NLGN1: variants seen among roughly 807,000 people sequenced by gnomAD.
NLGN1 encodes neuroligin 1, also known as neuroligin-1.
In NLGN1, 12 loss-of-function variants were observed where a neutral mutation model predicts 65.5. The observed-to-expected ratio is 0.18, with a 90% CI of 0.12 to 0.30. The LOEUF (loss-of-function observed/expected upper bound fraction) is 0.30. NLGN1 is among the 10% of genes least tolerant of loss of function. The pLI is 1.00. For missense variants in NLGN1, 750 were observed against 1,007.1 expected, an observed-to-expected ratio of 0.74 and a Z score of 3.46; for synonymous variants, 350 against 359.5, an observed-to-expected ratio of 0.97 and a Z score of 0.30.
At chr3:173,793,819 G>T (rs796419380) in intron 3 of NLGN1, among the ~76,000 whole-genome samples, 2 of 152,096 alleles carry the variant, frequency 1.3e-5, no homozygotes, top group African/African-American at 4.8e-5. Context: ...GAATGATTTT[G>T]CCTCTTTTTG....
intron 3 of NLGN1, among the ~76,000 whole-genome samples, chr3:173,790,509 G>A (rs879730782): frequency 2.6e-5 from 4 of 152,004 alleles, no homozygotes; most frequent in Non-Finnish European, 2.9e-5. Flanking sequence ...GAATTGTTAC[G>A]AAAATTTTAT....
intron 4 of NLGN1, among the ~76,000 whole-genome samples, chr3:173,983,226 A>C (rs1455874717): frequency 1.3e-5 from 2 of 152,170 alleles, no homozygotes; most frequent in Non-Finnish European, 2.9e-5. Context: ...GTCAATTGCC[A>C]TGTACTAGTC....
At chr3:173,568,039 A>G (rs1347677009) in intron 2 of NLGN1, among the ~76,000 whole-genome samples, 2 of 152,178 alleles carry the variant, frequency 1.3e-5, no homozygotes, top group African/African-American at 2.4e-5. Context: ...ACATTGTGCA[A>G]TGACTAAATC....
chr3:173,837,052 C>T (rs901038814), intron 4 of NLGN1, among the ~76,000 whole-genome samples: 1 of 151,982 alleles, frequency 6.6e-6, no homozygotes, highest in Non-Finnish European at 1.5e-5. Context: ...GATGTTAATA[C>T]CTGTTTTGGA....
At chr3:173,452,991 G>A (rs1482639762) in intron 2 of NLGN1, among the ~76,000 whole-genome samples, 5 of 152,084 alleles carry the variant, frequency 3.3e-5, no homozygotes, top group African/African-American at 4.8e-5. Context: ...ACTTCAGTGA[G>A]TCTTAATCTT....
At chr3:173,921,148 T>A (rs2152263290) in intron 4 of NLGN1, among the ~76,000 whole-genome samples, 1 of 147,774 alleles carries the variant, frequency 6.8e-6, no homozygotes, top group East Asian at 2.0e-4. Context: ...TCGAATTTGG[T>A]CCTTAATATA....
At position 173,796,631 on chromosome 3, in the gene NLGN1, G is replaced by A. The variant is rs115716289; in HGVS notation, c.494-11049G>A. Among the ~76,000 whole-genome samples the A allele has an allele frequency of 4.4e-3, 668 of 152,186 alleles. 6 individuals are homozygous for A. Among genetic ancestry groups the A allele is most frequent in the African/African-American group, 0.015 (638 of 41,540 alleles). Reference sequence around the variant, plus strand: ...GAGTTATGTGTGTGTTCCTCAGGGAGGACAGACCCAATAGAGTTTCAAGGT... The same window carrying A: ...GAGTTATGTGTGTGTTCCTCAGGGAAGACAGACCCAATAGAGTTTCAAGGT... On this transcript the variant is annotated intron_variant, in intron 3 of 6. Transcript: ENST00000457714.
intron 2 of NLGN1, among the ~76,000 whole-genome samples, chr3:173,437,295 G>A (rs1260564479): frequency 6.6e-6 from 1 of 152,128 alleles, no homozygotes; most frequent in African/African-American, 2.4e-5. Context: ...TACCACATGT[G>A]TCTATTGTGG....
Position 173,785,761 on chromosome 3 carries a change from A to C in NLGN1, c.494-21919A>C, listed in dbSNP as rs531941379. On this transcript the variant is annotated intron_variant, in intron 3 of 6. Coordinates refer to ENST00000457714, the Ensembl canonical transcript of NLGN1. Reference sequence around the variant, plus strand: ...CATCTATTTACAGTATTCTTACAAAATAAAGCTTTGTTTGGGAGTAGACCG... The same window carrying C: ...CATCTATTTACAGTATTCTTACAAACTAAAGCTTTGTTTGGGAGTAGACCG... Among the ~76,000 whole-genome samples the C allele has an allele frequency of 6.4e-4, 97 of 152,288 alleles. 1 individual carries two copies. In the South Asian group the frequency reaches 0.02, roughly 31 times the overall value.
At chr3:173,721,948 A>AG (rs1485341966) in intron 3 of NLGN1, among the ~76,000 whole-genome samples, 1 of 151,562 alleles carries the variant, frequency 6.6e-6, no homozygotes, top group Non-Finnish European at 1.5e-5. Context: ...CTCGTAAAAA[A>AG]AAAAAGGGAC....
chr3:173,864,788 C>A (rs897110479), intron 4 of NLGN1, among the ~76,000 whole-genome samples: 4 of 152,108 alleles, frequency 2.6e-5, no homozygotes, highest in Non-Finnish European at 5.9e-5. Context: ...ATCTCCTTAC[C>A]CACAGAAAGA....
intron 4 of NLGN1, among the ~76,000 whole-genome samples, chr3:174,095,485 G>A (rs917670251): frequency 1.3e-5 from 2 of 151,606 alleles, no homozygotes; most frequent in South Asian, 2.1e-4. Flanking sequence ...ATGCTTGTGT[G>A]TGTGTGTGTG....
chr3:173,926,294 A>C (rs2152274924), intron 4 of NLGN1, among the ~76,000 whole-genome samples: 1 of 152,276 alleles, frequency 6.6e-6, no homozygotes, highest in Admixed American at 6.5e-5. Flanking sequence ...TAATTTTACT[A>C]ATTATGATTT....
chr3:173,851,560 A>G (rs1022493991), intron 4 of NLGN1, among the ~76,000 whole-genome samples: 2 of 152,220 alleles, frequency 1.3e-5, no homozygotes, highest in African/African-American at 4.8e-5. Flanking sequence ...CAGGTAAACA[A>G]CTAAGACAGT....
At chr3:174,013,453 T>C (rs1381346519) in intron 4 of NLGN1, among the ~76,000 whole-genome samples, 1 of 152,208 alleles carries the variant, frequency 6.6e-6, no homozygotes, top group Non-Finnish European at 1.5e-5. Context: ...AATAATATTT[T>C]AATAACTCAA....
chr3:173,541,505 T>C (rs1426463320), intron 2 of NLGN1, among the ~76,000 whole-genome samples: 2 of 152,126 alleles, frequency 1.3e-5, no homozygotes, highest in African/African-American at 2.4e-5. Context: ...CTATGATTCA[T>C]GAAATTCAAA....
At chr3:174,189,479 G>A (rs1159824186) in intron 4 of NLGN1, among the ~76,000 whole-genome samples, 1 of 151,946 alleles carries the variant, frequency 6.6e-6, no homozygotes, top group Admixed American at 6.6e-5. Flanking sequence ...CTATGTCATG[G>A]AAGTGAAAAT....
chr3:174,094,226 T>C (rs1745040143), intron 4 of NLGN1, among the ~76,000 whole-genome samples: 1 of 152,204 alleles, frequency 6.6e-6, no homozygotes, highest in Non-Finnish European at 1.5e-5. Context: ...ATTTATAAGT[T>C]ACGCCCCCAA....
intron 2 of NLGN1, chr3:173,584,990 G>A (rs1747105658): frequency 1.3e-5 from 2 of 152,160 alleles, no homozygotes; most frequent in South Asian, 4.1e-4. Flanking sequence ...CAAAGGGACC[G>A]GGGAAAGATG....
Sources: gnomAD v4.1 joint callset for allele counts (sites outside exome capture counted in the v4.1 genomes callset) on GRCh38, gnomAD v4.1.1 for gene constraint, MANE v1.5 for transcripts, NCBI Gene and HGNC (gene_info 2026-07-23, HGNC 2026-07-21) for gene names.